The following KMT2C variants were observed in gnomAD, a reference collection of about 807,000 sequenced individuals.
KMT2C encodes the protein histone-lysine N-methyltransferase 2C.
A neutral mutation model predicts 507.9 loss-of-function variants in KMT2C; 88 were observed. The ratio of observed to expected loss-of-function variants is 0.17; its 90% CI spans 0.15 to 0.21. KMT2C has a LOEUF of 0.21. Ranked by LOEUF, KMT2C falls within the 10% of genes least tolerant of loss-of-function variation. The pLI, the probability that KMT2C is intolerant of heterozygous loss-of-function variation, is 1.00. For missense variants in KMT2C, 4,954 were observed against 5,957.8 expected (o/e 0.83, Z 5.55); for synonymous variants, 2,049 against 2,080.8 (o/e 0.98, Z 0.42).
At chr7:152,417,614 A>G (rs1037595277) in intron 1 of KMT2C, among the ~76,000 whole-genome samples, 4 of 152,184 alleles carry the variant, frequency 2.6e-5, no homozygotes, top group Non-Finnish European at 4.4e-5. Flanking sequence ...ATGCTTCTGA[A>G]TATCTATGAA....
intron 26 of KMT2C, 29 bp downstream of exon 26, chr7:152,202,905 A>G: frequency 1.3e-6 from 2 of 1,506,954 alleles, no homozygotes; most frequent in South Asian, 1.2e-5. Flanking sequence ...TTAACAAACC[A>G]TGTAAAATAA....
chr7:152,339,602 T>C (rs2096971256), intron 2 of KMT2C, among the ~76,000 whole-genome samples: 1 of 152,156 alleles, frequency 6.6e-6, no homozygotes, highest in Non-Finnish European at 1.5e-5. Flanking sequence ...AAAACATTAT[T>C]TGAAAAAGAG....
chr7:152,195,883 A>G (rs2129130770), intron 28 of KMT2C, 24 bp downstream of exon 28: 8 of 1,310,156 alleles, frequency 6.1e-6, no homozygotes, highest in South Asian at 2.6e-5. Context: ...AACCAGAAAA[A>G]GGGTAAACAG....
chr7:152,418,187 A>T (rs1467530703), intron 1 of KMT2C, among the ~76,000 whole-genome samples: 1 of 151,642 alleles, frequency 6.6e-6, no homozygotes, highest in Non-Finnish European at 1.5e-5. Context: ...TGATCCACCC[A>T]CCTCAGCCTC....
At chr7:152,158,146 A>G (rs747216576) in intron 44 of KMT2C, among the ~76,000 whole-genome samples, 2 of 152,230 alleles carry the variant, frequency 1.3e-5, no homozygotes, top group African/African-American at 2.4e-5. Context: ...TCTAACAAGA[A>G]AAACATATTT....
chr7:152,365,249 G>A (rs1438008801), intron 1 of KMT2C, among the ~76,000 whole-genome samples: 2 of 152,190 alleles, frequency 1.3e-5, no homozygotes, highest in South Asian at 2.1e-4. Flanking sequence ...AGTGGCTCAC[G>A]CCTATAATCC....
At chr7:152,183,287 C>T in intron 34 of KMT2C, 131 bp from the exon 35 acceptor site, 2 of 668,620 alleles carry the variant, frequency 3.0e-6, no homozygotes. Context: ...ACTTACGGCA[C>T]CTCCCAAAAA....
intron 25 of KMT2C, among the ~76,000 whole-genome samples, chr7:152,204,841 C>A (rs1352161235): frequency 2.0e-5 from 3 of 151,620 alleles, no homozygotes; most frequent in African/African-American, 7.3e-5. Context: ...GAAAAAAGAG[C>A]TTGTCAAAAA....
Position 152,220,840 on chromosome 7 carries a change from G to C in KMT2C, c.3500-105C>G, listed in dbSNP as rs1563454486. On this transcript the variant is annotated intron_variant, in intron 22 of 58. Transcript: ENST00000262189. ...TCAAGGGAATGTGACTGTAGTTCTA[G>C]AAAGCAATTACGTATCTATGAAATG... 64 of 778,438 alleles carry C rather than the reference G, an allele frequency of 8.2e-5. No homozygotes were observed. The East Asian group carries it at 1.5e-3, about 18-fold the overall frequency. 48.2% of individuals were successfully genotyped at this position (778,438 alleles called of 1,614,324 possible). A position where few individuals can be genotyped will look rare whatever the true frequency, so the allele number is the denominator to read the frequency against.
intron 14 of KMT2C, among the ~76,000 whole-genome samples, chr7:152,239,624 AAAC>A (rs1182301944): frequency 1.9e-4 from 29 of 152,352 alleles, no homozygotes; most frequent in Non-Finnish European, 4.1e-4. Flanking sequence ...TTTTACTTCC[AAAC>A]AACCACATTC....
chr7:152,231,432 T>C (rs2095107208), intron 16 of KMT2C, among the ~76,000 whole-genome samples: 1 of 152,304 alleles, frequency 6.6e-6, no homozygotes, highest in African/African-American at 2.4e-5. Context: ...CAACAGGTTA[T>C]GTTCAAGGTC....
intron 20 of KMT2C, among the ~76,000 whole-genome samples, chr7:152,223,758 C>T (rs571907858): frequency 2.1e-3 from 325 of 152,194 alleles, no homozygotes; most frequent in African/African-American, 7.5e-3. Flanking sequence ...CAAGATAGCG[C>T]CACTGCACTC....
chr7:152,319,821 T>TCTCC (rs941499159), intron 3 of KMT2C, among the ~76,000 whole-genome samples: 2 of 152,064 alleles, frequency 1.3e-5, no homozygotes, highest in African/African-American at 4.8e-5. Context: ...AAGCTCTCCC[T>TCTCC]CTCCCTCTCC....
chr7:152,136,866 C>A lies in KMT2C; in HGVS notation c.14702G>T (p.Cys4901Phe). The A allele has an allele frequency of 6.2e-7, 1 of 1,613,696 alleles. No homozygotes were observed. Among genetic ancestry groups the A allele is most frequent in the Non-Finnish European group, 8.5e-7 (1 of 1,179,996 alleles). Residue 4901 changes from cysteine to phenylalanine, a missense_variant, in exon 59 of 59, where the codon TGT becomes TTT. Physicochemically the swap from Cys to Phe is radical, Grantham distance 205. Transcript: ENST00000262189. ...CCACTTCCGGCAGTTCACAGCTCCA[C>A]AGTGACACGGAATCTTGTGCTGGTC... ...EDDQHKIPCHCGAVNCRKWMN is the reference protein window; with the variant it reads ...EDDQHKIPCHFGAVNCRKWMN
intron 2 of KMT2C, among the ~76,000 whole-genome samples, chr7:152,349,338 G>C (rs1162221115): frequency 6.6e-6 from 1 of 151,974 alleles, no homozygotes; most frequent in African/African-American, 2.4e-5. Flanking sequence ...CAGCTACTCG[G>C]GAGGCTGAGA....
chr7:152,397,583 G>A (rs1302426804), intron 1 of KMT2C, among the ~76,000 whole-genome samples: 2 of 152,072 alleles, frequency 1.3e-5, no homozygotes, highest in Non-Finnish European at 2.9e-5. Context: ...GGAGATGGGA[G>A]GATCCCTTGA....
intron 43 of KMT2C, among the ~76,000 whole-genome samples, chr7:152,160,487 TA>T (rs1305436206): frequency 3.3e-5 from 5 of 152,112 alleles, no homozygotes; most frequent in Non-Finnish European, 7.4e-5. Context: ...GGGATCTTCC[TA>T]AGTCTACATT....
chr7:152,427,471 T>C (rs889292304), intron 1 of KMT2C, among the ~76,000 whole-genome samples: 1 of 152,218 alleles, frequency 6.6e-6, no homozygotes, highest in African/African-American at 2.4e-5. Context: ...CAACAATGTA[T>C]CATAGACATT....
At chr7:152,387,325 A>T (rs1207180491) in intron 1 of KMT2C, among the ~76,000 whole-genome samples, 2 of 151,974 alleles carry the variant, frequency 1.3e-5, no homozygotes, top group African/African-American at 4.8e-5. Context: ...TAATTTTTCA[A>T]AAATAGAATA....
Sources: allele counts gnomAD v4.1 joint callset (sites outside exome capture counted in the v4.1 genomes callset), GRCh38; gene constraint gnomAD v4.1.1; transcripts MANE v1.5; gene names NCBI Gene and HGNC (gene_info 2026-07-23, HGNC 2026-07-21).